The following CNTNAP4 variants were observed in gnomAD, a reference collection of about 807,000 sequenced individuals.
The protein encoded by CNTNAP4 is contactin-associated protein-like 4.
A neutral mutation model predicts 148.4 loss-of-function variants in CNTNAP4; 98 were observed. The observed-to-expected ratio is 0.66, with a 90% CI of 0.56 to 0.78. CNTNAP4 has a LOEUF of 0.78. Among genes scored for constraint, CNTNAP4 ranks in the 30% least tolerant of loss-of-function variants. The pLI is 0.00. For synonymous variants in CNTNAP4, 730 were observed against 565.1 expected, an observed-to-expected ratio of 1.29 and a Z score of -4.14; for missense variants, 1,935 against 1,565.6, an observed-to-expected ratio of 1.24 and a Z score of -3.98.
chr16:76,372,157 T>TTTTTG (rs2014901281), intron 3 of CNTNAP4, among the ~76,000 whole-genome samples: 2 of 150,700 alleles, frequency 1.3e-5, no homozygotes, highest in Non-Finnish European at 1.5e-5. Context: ...TTTTTTTTTT[T>TTTTTG]GAGACGGAGT....
chr16:76,410,412 A>C, intron 3 of CNTNAP4, among the ~76,000 whole-genome samples: 1 of 151,696 alleles, frequency 6.6e-6, no homozygotes, highest in African/African-American at 2.4e-5. Flanking sequence ...TGTTTCATTT[A>C]TCTATATCAA....
At chr16:76,455,527 G>A (rs538063844) in intron 8 of CNTNAP4, among the ~76,000 whole-genome samples, 3 of 152,102 alleles carry the variant, frequency 2.0e-5, no homozygotes, top group Non-Finnish European at 4.4e-5. Flanking sequence ...CCTAACTTTC[G>A]GGCTGTAAAC....
chr16:76,526,065 G>A (rs1426288366), intron 17 of CNTNAP4, among the ~76,000 whole-genome samples: 2 of 152,014 alleles, frequency 1.3e-5, no homozygotes, highest in East Asian at 3.9e-4. Flanking sequence ...ATGGAATCAG[G>A]CAGTGATTTG....
chr16:76,416,180 G>T (rs1385535025), intron 3 of CNTNAP4, among the ~76,000 whole-genome samples: 1 of 151,018 alleles, frequency 6.6e-6, no homozygotes, highest in Non-Finnish European at 1.5e-5. Flanking sequence ...CAAACTAGAG[G>T]TTTATCAATC....
chr16:76,483,713 T>A (rs2081924365), intron 12 of CNTNAP4, among the ~76,000 whole-genome samples: 1 of 152,108 alleles, frequency 6.6e-6, no homozygotes, highest in African/African-American at 2.4e-5. Context: ...AAATGAGACA[T>A]TTGTTCATAG....
At chr16:76,460,005 C>T (rs1264412385) in intron 8 of CNTNAP4, among the ~76,000 whole-genome samples, 15 of 152,236 alleles carry the variant, frequency 9.9e-5, no homozygotes, top group South Asian at 2.1e-4. Flanking sequence ...TACATGTCTA[C>T]ATATATATAA....
rs80293454 is a variant in CNTNAP4 at position 76,339,058 on chromosome 16, A to G, written c.197-16260A>G. ...GAATGATATTAATAAGCCCTTCGAC[A>G]CAGTAGTTTCTGTGTTTGAAATTCT... On this transcript the variant is annotated intron_variant, in intron 2 of 23. Coordinates refer to ENST00000611870, the MANE Select transcript of CNTNAP4 (RefSeq NM_033401.5). Among the ~76,000 whole-genome samples, 34 of 152,298 alleles carry G rather than the reference A, an allele frequency of 2.2e-4. No homozygotes were observed. The East Asian group carries it at 5.8e-3, about 26-fold the overall frequency.
chr16:76,555,913 C>A (rs565119824), intron 23 of CNTNAP4, among the ~76,000 whole-genome samples: 2 of 152,246 alleles, frequency 1.3e-5, no homozygotes, highest in Admixed American at 6.5e-5. Context: ...GGCCATGTAA[C>A]CTCTGAAGGC....
chr16:76,279,345 T>G (rs1476894987), intron 1 of CNTNAP4, among the ~76,000 whole-genome samples: 1 of 152,244 alleles, frequency 6.6e-6, no homozygotes, highest in Non-Finnish European at 1.5e-5. Flanking sequence ...ATTAATCTAA[T>G]TATTTGGGCT....
At chr16:76,283,849 C>G (rs1463412707) in intron 1 of CNTNAP4, among the ~76,000 whole-genome samples, 6 of 151,870 alleles carry the variant, frequency 4.0e-5, no homozygotes, top group Non-Finnish European at 8.8e-5. Context: ...CTTCACTATC[C>G]TTTAAAAAAT....
Position 76,427,564 on chromosome 16 carries a change from T to C in CNTNAP4, c.503T>C (p.Ile168Thr), listed in dbSNP as rs752696478. 7 of 1,612,756 alleles carry C rather than the reference T, an allele frequency of 4.3e-6. No individual in the cohort carries two copies. The highest frequency in any genetic ancestry group is 5.9e-6 in the Non-Finnish European group (7 of 1,179,306). The change falls in exon 4 of 24, where the codon ATT (isoleucine) becomes ACT (threonine). Residue 168 changes from isoleucine to threonine, a missense_variant. By Grantham distance (89) the Ile-to-Thr change is moderately conservative (BLOSUM62 -1). Coordinates refer to ENST00000611870, the MANE Select transcript of CNTNAP4 (RefSeq NM_033401.5). ...TTGGAATGGAACCCCAAGGGCAGAATTGGAATGCGAATCGAAGTGTTCGGA... is the reference window on the plus strand; with the variant it reads ...TTGGAATGGAACCCCAAGGGCAGAACTGGAATGCGAATCGAAGTGTTCGGA... ...IPLEWNPKGR[I>T]GMRIEVFGCA...
At chr16:76,473,707 G>A (rs541648076) in intron 10 of CNTNAP4, among the ~76,000 whole-genome samples, 1 of 152,238 alleles carries the variant, frequency 6.6e-6, no homozygotes, top group African/African-American at 2.4e-5. Flanking sequence ...CTGGGAGGCG[G>A]AGCTTGCAGT....
chr16:76,376,152 AAAGC>A (rs1395844164), intron 3 of CNTNAP4, among the ~76,000 whole-genome samples: 3 of 152,082 alleles, frequency 2.0e-5, no homozygotes, highest in Non-Finnish European at 2.9e-5. Context: ...GAAATAAAGA[AAAGC>A]AAGCAAGGAA....
At chr16:76,409,456 A>G (rs537603829) in intron 3 of CNTNAP4, among the ~76,000 whole-genome samples, 1 of 152,110 alleles carries the variant, frequency 6.6e-6, no homozygotes, top group East Asian at 1.9e-4. Flanking sequence ...GAAAATGTTG[A>G]TCAACCAATC....
At chr16:76,487,578 A>G (rs139177642) in intron 12 of CNTNAP4, among the ~76,000 whole-genome samples, 2,212 of 152,326 alleles carry the variant, frequency 0.015, 27 homozygotes, top group Middle Eastern at 0.027. Flanking sequence ...AATGAAGCAC[A>G]TGAGGTTTGG....
At chr16:76,337,292 A>C (rs1597238519) in intron 2 of CNTNAP4, among the ~76,000 whole-genome samples, 2 of 152,190 alleles carry the variant, frequency 1.3e-5, no homozygotes, top group Admixed American at 1.3e-4. Flanking sequence ...CCAGTATTTC[A>C]GTGTAGGTTC....
chr16:76,438,748 C>A (rs921747183), intron 4 of CNTNAP4, among the ~76,000 whole-genome samples: 1 of 152,194 alleles, frequency 6.6e-6, no homozygotes, highest in African/African-American at 2.4e-5. Flanking sequence ...TTCCCACTTC[C>A]TCCTTCTTTC....
At chr16:76,340,305 C>G (rs1291329806) in intron 2 of CNTNAP4, among the ~76,000 whole-genome samples, 1 of 152,164 alleles carries the variant, frequency 6.6e-6, no homozygotes, top group Non-Finnish European at 1.5e-5. Context: ...ATCCCACAGG[C>G]CTTGCTTCCT....
At position 76,298,724 on chromosome 16, in the gene CNTNAP4, G is replaced by A. The variant is rs117012796; in HGVS notation, c.86-17689G>A. Among the ~76,000 whole-genome samples, 3 of 152,248 alleles carry A rather than the reference G, an allele frequency of 2.0e-5. No individual in the cohort carries two copies. In the East Asian group the frequency reaches 5.8e-4, roughly 29 times the overall value. On this transcript the variant is annotated intron_variant, in intron 1 of 23. Transcript: ENST00000611870. ...TGCCTGCAGGGATGCTGGCCAACTG[G>A]ACTGCTGATCCTCTCCTAGACCACA... is the stretch of plus-strand genomic sequence containing the variant.
Sources: allele counts gnomAD v4.1 joint callset (sites outside exome capture counted in the v4.1 genomes callset), GRCh38; gene constraint gnomAD v4.1.1; transcripts MANE v1.5; gene names NCBI Gene and HGNC (gene_info 2026-07-23, HGNC 2026-07-21).